CRACD: variants seen among roughly 807,000 people sequenced by gnomAD.
The protein encoded by CRACD is capping protein inhibiting regulator of actin dynamics.
In CRACD, 56 loss-of-function variants were observed where a neutral mutation model predicts 106.8. The observed-to-expected ratio is 0.52, with a 90% CI of 0.42 to 0.66. The LOEUF (loss-of-function observed/expected upper bound fraction) is 0.66. Among genes scored for constraint, CRACD ranks in the 30% least tolerant of loss-of-function variants. The pLI is 0.00. For missense variants in CRACD, 1,730 were observed against 1,623.2 expected (o/e 1.07, Z -1.13); for synonymous variants, 754 against 670.8 (o/e 1.12, Z -1.92).
At chr4:56,264,807 A>G (rs1051820771) in intron 2 of CRACD, among the ~76,000 whole-genome samples, 4 of 152,218 alleles carry the variant, frequency 2.6e-5, no homozygotes, top group African/African-American at 9.6e-5. Flanking sequence ...TAAAAGTATT[A>G]ATTTGGAGAA....
At chr4:56,260,793 C>G (rs1741649418) in intron 2 of CRACD, among the ~76,000 whole-genome samples, 1 of 152,192 alleles carries the variant, frequency 6.6e-6, no homozygotes, top group South Asian at 2.1e-4. Flanking sequence ...CTATGGATGT[C>G]AGACTTGCCT....
At chr4:56,066,856 T>C (rs945199153) in intron 1 of CRACD, among the ~76,000 whole-genome samples, 12 of 152,158 alleles carry the variant, frequency 7.9e-5, no homozygotes, top group African/African-American at 2.9e-4. Context: ...TGCGTGTTCA[T>C]GGGGTAGGTG....
At chr4:56,168,592 C>T (rs1449706223) in intron 1 of CRACD, among the ~76,000 whole-genome samples, 1 of 150,986 alleles carries the variant, frequency 6.6e-6, no homozygotes, top group Non-Finnish European at 1.5e-5. Context: ...TAACAGTATT[C>T]ACATATATAT....
At position 56,314,178 on chromosome 4, in the gene CRACD, G is replaced by A. The variant is rs767037449; in HGVS notation, c.676G>A (p.Asp226Asn). 1.9e-6 allele frequency: 3 copies of A among 1,613,294 alleles called. No individual in the cohort carries two copies. The highest frequency in any genetic ancestry group is 1.6e-4 in the Middle Eastern group (1 of 6,084). The change falls in exon 8 of 11, where the codon GAC (aspartate) becomes AAC (asparagine). Residue 226 changes from aspartate (D) to asparagine (N), a missense_variant. Asp to Asn is a conservative substitution (Grantham distance 23, BLOSUM62 1). Coordinates refer to ENST00000682029, the MANE Select transcript of CRACD (RefSeq NM_001393381.1). The surrounding 1 kb of genome is among the most constrained non-coding windows in gnomAD (Gnocchi z 4.4). ...CGAGGAAGAGAGAAGACGCCAAGAA[G>A]ACTACTGGCGAGAACTGGAGGCCAA... is the stretch of plus-strand genomic sequence containing the variant. ...DSEEERRRQE[D>N]YWRELEAKCK...
intron 2 of CRACD, among the ~76,000 whole-genome samples, chr4:56,238,888 T>C (rs528350449): frequency 2.6e-5 from 4 of 152,316 alleles, no homozygotes; most frequent in South Asian, 2.1e-4. Flanking sequence ...CTGAAATTTG[T>C]AGTTAGAGTT....
intron 2 of CRACD, among the ~76,000 whole-genome samples, chr4:56,197,878 C>T (rs532712022): frequency 1.3e-5 from 2 of 152,102 alleles, no homozygotes; most frequent in Non-Finnish European, 2.9e-5. Context: ...GGGGTTTCAC[C>T]GTGTTAGCCA....
At chr4:56,116,393 C>CTGTTCATT (rs1734279166) in intron 1 of CRACD, among the ~76,000 whole-genome samples, 1 of 152,164 alleles carries the variant, frequency 6.6e-6, no homozygotes, top group Non-Finnish European at 1.5e-5. Flanking sequence ...AGATATTATT[C>CTGTTCATT]TGTTCATTTT....
At chr4:56,150,279 A>G (rs1735536897) in intron 1 of CRACD, among the ~76,000 whole-genome samples, 1 of 152,254 alleles carries the variant, frequency 6.6e-6, no homozygotes, top group African/African-American at 2.4e-5. Context: ...GTACTGCCTC[A>G]TAGGTTTGAG....
At position 56,315,200 on chromosome 4, in the gene CRACD, C is replaced by T; in HGVS notation, c.1698C>T (p.Leu566=). The part of the protein sequence containing the change: ...SPVTPAKDTG[L]TAAPQEPKAP... Reference sequence around the variant, plus strand: ...TGACGCCCGCAAAGGACACGGGGCTCACCGCTGCTCCCCAGGAACCAAAGG... The same window carrying T: ...TGACGCCCGCAAAGGACACGGGGCTTACCGCTGCTCCCCAGGAACCAAAGG... The change falls in exon 8 of 11, where the codon CTC becomes CTT. Residue 566 remains leucine, a synonymous_variant. Coordinates refer to ENST00000682029, the MANE Select transcript of CRACD (RefSeq NM_001393381.1). The surrounding 1 kb of genome is among the most constrained non-coding windows in gnomAD (Gnocchi z 4.1). 1.3e-6 allele frequency: 2 copies of T among 1,592,936 alleles called. No individual in the cohort carries two copies. Among genetic ancestry groups the T allele is most frequent in the Non-Finnish European group, 8.5e-7 (1 of 1,169,984 alleles).
rs1214677069 is a variant in CRACD at position 56,322,131 on chromosome 4, A to G, written c.3188-1246A>G. Among the ~76,000 whole-genome samples, 4 of 152,162 alleles carry G rather than the reference A, an allele frequency of 2.6e-5. No homozygotes were observed. In the East Asian group the frequency reaches 7.7e-4, roughly 29 times the overall value. ...AACTGATTATCTCTGAACATGCATA[A>G]TTTTTACTTGAGGGAAAAGGAGATT... On this transcript the variant is annotated intron_variant, in intron 8 of 10. Transcript: ENST00000682029.
intron 2 of CRACD, among the ~76,000 whole-genome samples, chr4:56,240,036 A>G (rs1740271134): frequency 2.1e-5 from 1 of 47,372 alleles, no homozygotes; most frequent in East Asian, 9.1e-4. Flanking sequence ...TTTCATTTCA[A>G]TTATTCTTTT....
intron 2 of CRACD, among the ~76,000 whole-genome samples, chr4:56,228,184 G>A (rs1213579271): frequency 1.3e-5 from 2 of 152,056 alleles, no homozygotes; most frequent in Admixed American, 1.3e-4. Context: ...GCTAGGCAGT[G>A]TATAGAAACA....
chr4:56,317,594 G>A (rs1444018909), intron 8 of CRACD, among the ~76,000 whole-genome samples: 1 of 152,190 alleles, frequency 6.6e-6, no homozygotes, highest in Non-Finnish European at 1.5e-5. Flanking sequence ...CCCTACCAGT[G>A]TCTTCACTGT....
intron 1 of CRACD, among the ~76,000 whole-genome samples, chr4:56,063,912 A>G: frequency 6.6e-6 from 1 of 152,176 alleles, no homozygotes; most frequent in Non-Finnish European, 1.5e-5. Context: ...CATTTTGAGG[A>G]CCTGCTAAAG....
At chr4:56,271,373 G>A (rs911873189) in intron 2 of CRACD, among the ~76,000 whole-genome samples, 10 of 152,130 alleles carry the variant, frequency 6.6e-5, no homozygotes, top group African/African-American at 2.2e-4. Context: ...ATGGGAAGAT[G>A]TTCATAGCAA....
intron 2 of CRACD, among the ~76,000 whole-genome samples, chr4:56,255,376 C>A (rs965501388): frequency 2.6e-5 from 4 of 152,050 alleles, no homozygotes; most frequent in African/African-American, 4.8e-5. Flanking sequence ...TTATCAGCAC[C>A]ATTCTGCTCT....
At chr4:56,174,586 C>T (rs1234455654) in intron 1 of CRACD, among the ~76,000 whole-genome samples, 2 of 152,172 alleles carry the variant, frequency 1.3e-5, no homozygotes, top group Non-Finnish European at 2.9e-5. Flanking sequence ...TGTCTAGTTC[C>T]ATCCATGTTG....
intron 3 of CRACD, among the ~76,000 whole-genome samples, chr4:56,296,323 CCA>C (rs1340992143): frequency 6.6e-6 from 1 of 151,654 alleles, no homozygotes; most frequent in Admixed American, 6.6e-5. Flanking sequence ...AAGTAAAACT[CCA>C]CACAGTTTTT....
Position 56,295,186 on chromosome 4 carries a change from T to C in CRACD, c.-16-3028T>C, listed in dbSNP as rs145186617. ...AGACAGTTACTTAATTTATAGCAAA[T>C]TGCTCATTGTCTTCAAACCTTAGTT... On this transcript the variant is annotated intron_variant, in intron 3 of 10. Coordinates refer to ENST00000682029, the MANE Select transcript of CRACD (RefSeq NM_001393381.1). Among the ~76,000 whole-genome samples the C allele has an allele frequency of 2.0e-3, 306 of 152,068 alleles. 2 individuals carry two copies. Among genetic ancestry groups the C allele is most frequent in the African/African-American group, 7.2e-3 (297 of 41,532 alleles).
Sources: gnomAD v4.1 joint callset for allele counts (sites outside exome capture counted in the v4.1 genomes callset) on GRCh38, gnomAD v4.1.1 for gene constraint, Gnocchi (gnomAD v3.1) non-coding constraint, MANE v1.5 for transcripts, NCBI Gene and HGNC (gene_info 2026-07-23, HGNC 2026-07-21) for gene names.